The following CADPS variants were observed in gnomAD, a reference collection of about 807,000 sequenced individuals.
CADPS encodes the protein calcium dependent secretion activator.
In CADPS, 57 loss-of-function variants were observed where a neutral mutation model predicts 167.3. The ratio of observed to expected loss-of-function variants is 0.34; its 90% CI spans 0.28 to 0.42. CADPS has a LOEUF of 0.42. Ranked by LOEUF, CADPS falls within the 20% of genes least tolerant of loss-of-function variation. CADPS has a pLI of 1.00. For synonymous variants in CADPS, 676 were observed against 635.3 expected (o/e 1.06, Z -0.96); for missense variants, 1,414 against 1,738.1 (o/e 0.81, Z 3.32).
chr3:62,715,665 C>T (rs1263099109), intron 3 of CADPS, among the ~76,000 whole-genome samples: 1 of 150,248 alleles, frequency 6.7e-6, no homozygotes, highest in African/African-American at 2.4e-5. Flanking sequence ...TCAGACTATG[C>T]TAATTCACGT....
At chr3:62,633,751 C>G (rs2065747017) in intron 6 of CADPS, among the ~76,000 whole-genome samples, 1 of 152,072 alleles carries the variant, frequency 6.6e-6, no homozygotes, top group African/African-American at 2.4e-5. Context: ...GGTGCAGGGG[C>G]CCTGAACCCA....
intron 3 of CADPS, among the ~76,000 whole-genome samples, chr3:62,710,848 G>T (rs1030402704): frequency 6.7e-6 from 1 of 148,648 alleles, no homozygotes; most frequent in African/African-American, 2.6e-5. Flanking sequence ...TAAACACTCA[G>T]GCTAACCGGA....
intron 1 of CADPS, among the ~76,000 whole-genome samples, chr3:62,821,214 A>C (rs1298974077): frequency 1.3e-5 from 2 of 152,138 alleles, no homozygotes; most frequent in Non-Finnish European, 2.9e-5. Flanking sequence ...AATAGCTTCA[A>C]ATTTAGGGGC....
intron 13 of CADPS, among the ~76,000 whole-genome samples, chr3:62,528,451 T>C (rs1235591824): frequency 2.0e-5 from 3 of 152,198 alleles, no homozygotes; most frequent in African/African-American, 4.8e-5. Context: ...TATTAAATGG[T>C]AGTGATTATC....
intron 2 of CADPS, among the ~76,000 whole-genome samples, chr3:62,758,231 T>C (rs1041566297): frequency 6.6e-6 from 1 of 152,232 alleles, no homozygotes; most frequent in Non-Finnish European, 1.5e-5. Flanking sequence ...CTTTCTTCTT[T>C]GCTGAGGATC....
intron 11 of CADPS, among the ~76,000 whole-genome samples, chr3:62,541,410 G>C (rs1210587381): frequency 6.6e-6 from 1 of 152,134 alleles, no homozygotes; most frequent in Non-Finnish European, 1.5e-5. Flanking sequence ...ATGGGCATAG[G>C]AGACTGACTT....
intron 1 of CADPS, among the ~76,000 whole-genome samples, chr3:62,858,366 G>T (rs978222711): frequency 6.6e-6 from 1 of 152,078 alleles, no homozygotes; most frequent in African/African-American, 2.4e-5. Context: ...CAGGAGAGGA[G>T]CCCCAAAACT....
chr3:62,752,612 G>C (rs114325716), intron 3 of CADPS, among the ~76,000 whole-genome samples: 1,897 of 152,268 alleles, frequency 0.012, 45 homozygotes, highest in African/African-American at 0.043. Context: ...GAATCTCTCT[G>C]ATAGTTCTTT....
At chr3:62,684,621 C>T (rs1264907483) in intron 3 of CADPS, among the ~76,000 whole-genome samples, 1 of 151,976 alleles carries the variant, frequency 6.6e-6, no homozygotes, top group Non-Finnish European at 1.5e-5. Context: ...AACTAAACAT[C>T]CTTCTCTTCA....
rs138703153 is a variant in CADPS, at chr3:62,421,469, C to T, written c.3777+16635G>A. 1.8e-4 allele frequency among the ~76,000 whole-genome samples: 27 copies of T among 152,314 alleles called. No individual in the cohort carries two copies. The highest frequency in any genetic ancestry group is 4.1e-4 in the South Asian group (2 of 4,826). ...CAGATGTACAAAGGCGGAACTGCGC[C>T]GTGCAGCTTATCCGCATGCACCCAC... On this transcript the variant is annotated intron_variant, in intron 28 of 29. Transcript: ENST00000383710. The surrounding 1 kb of genome is among the most constrained non-coding windows in gnomAD (Gnocchi z 4.7).
At chr3:62,733,813 C>A (rs1468503429) in intron 3 of CADPS, among the ~76,000 whole-genome samples, 1 of 152,076 alleles carries the variant, frequency 6.6e-6, no homozygotes. Context: ...ACGCGATACC[C>A]AATATGTAGT....
chr3:62,744,634 A>G (rs77830228), intron 3 of CADPS, among the ~76,000 whole-genome samples: 1 of 152,232 alleles, frequency 6.6e-6, no homozygotes, highest in Non-Finnish European at 1.5e-5. Context: ...AGCAGAAAAT[A>G]TTATTTTTGT....
chr3:62,513,617 G>A (rs758237837), intron 16 of CADPS: 91 of 1,467,804 alleles, frequency 6.2e-5, no homozygotes, highest in Non-Finnish European at 6.6e-6. Flanking sequence ...ACAGCATGGT[G>A]AGGAGGTGGT....
At chr3:62,435,959 T>C (rs1461308428) in intron 28 of CADPS, among the ~76,000 whole-genome samples, 4 of 140,138 alleles carry the variant, frequency 2.9e-5, no homozygotes. Flanking sequence ...ACTATTAATT[T>C]ACTATTAATT....
intron 23 of CADPS, among the ~76,000 whole-genome samples, chr3:62,476,462 C>T (rs960081002): frequency 6.6e-6 from 1 of 152,094 alleles, no homozygotes; most frequent in Non-Finnish European, 1.5e-5. Context: ...CATACATGTG[C>T]AGTGGAGCAA....
intron 14 of CADPS, 50 bp downstream of exon 14, chr3:62,518,099 C>G: frequency 2.5e-5 from 30 of 1,218,060 alleles, no homozygotes; most frequent in Non-Finnish European, 3.4e-5. Context: ...TTTAGTTTTC[C>G]CTTCCCACTC....
intron 6 of CADPS, among the ~76,000 whole-genome samples, chr3:62,635,654 T>G (rs1035202270): frequency 8.6e-5 from 13 of 151,848 alleles, no homozygotes; most frequent in African/African-American, 1.2e-4. Context: ...CTGTTTTTTT[T>G]TTTTTTTTTC....
At chr3:62,522,215 C>CA (rs2070830583) in intron 13 of CADPS, among the ~76,000 whole-genome samples, 3 of 152,128 alleles carry the variant, frequency 2.0e-5, no homozygotes, top group Non-Finnish European at 4.4e-5. Context: ...CTGTTCACTG[C>CA]AGCATTGACA....
chr3:62,599,612 TATATATAATATA>T (rs1479274797), intron 6 of CADPS, among the ~76,000 whole-genome samples: 1 of 59,602 alleles, frequency 1.7e-5, no homozygotes, highest in Non-Finnish European at 2.9e-5. Flanking sequence ...TTTATTATAT[TATATATAATATA>T]TAATATAATA....
Sources: gnomAD v4.1 joint callset for allele counts (sites outside exome capture counted in the v4.1 genomes callset) on GRCh38, gnomAD v4.1.1 for gene constraint, Gnocchi (gnomAD v3.1) non-coding constraint, MANE v1.5 for transcripts, NCBI Gene and HGNC (gene_info 2026-07-23, HGNC 2026-07-21) for gene names.